The following HAUS7 variants were observed in gnomAD, a reference collection of about 807,000 sequenced individuals.
The protein encoded by HAUS7 is HAUS augmin-like complex subunit 7.
Under a neutral mutation model 28.4 loss-of-function variants are expected in HAUS7, and 3 were observed. The observed-to-expected ratio is 0.11, with a 90% CI of 0.05 to 0.27. The LOEUF is 0.27. HAUS7 is among the 10% of genes least tolerant of loss of function. HAUS7 has a pLI of 1.00. For missense variants in HAUS7, 284 were observed against 297.3 expected, an observed-to-expected ratio of 0.96 and a Z score of 0.33; for synonymous variants, 165 against 132.1, an observed-to-expected ratio of 1.25 and a Z score of -1.71.
chrX:153,475,799 GGCACGTAGTAGGT>G (rs1304105354), intron 1 of HAUS7, among the ~76,000 whole-genome samples: 1 of 94,372 alleles, frequency 1.1e-5, no homozygotes, highest in African/African-American at 3.9e-5. Context: ...GAAAAGGACA[GGCACGTAGTAGGT>G]GCTCCTGCAG....
At chrX:153,454,301 C>T (rs887087090) in intron 9 of HAUS7, 93 bp downstream of exon 9, 2 of 534,168 alleles carry the variant, frequency 3.7e-6, no homozygotes, top group Non-Finnish European at 3.2e-6. Flanking sequence ...AGGGGCCGGT[C>T]CCCAAATGCT....
chrX:153,474,132 C>G (rs1463996022), upstream of HAUS7, among the ~76,000 whole-genome samples: 1 of 112,623 alleles, frequency 8.9e-6, no homozygotes, highest in Non-Finnish European at 1.9e-5. Context: ...AACCTGGGAG[C>G]TGCCTGAAGA....
chrX:153,475,827 CAGG>C (rs2089559238), intron 1 of HAUS7, among the ~76,000 whole-genome samples: 1 of 1,018 alleles, frequency 9.8e-4, no homozygotes, highest in Non-Finnish European at 0.014. Flanking sequence ...CTGCAGAGAG[CAGG>C]AGAGCAGGAG....
At chrX:153,451,298 C>T (rs1474450385) in intron 9 of HAUS7, among the ~76,000 whole-genome samples, 4 of 112,500 alleles carry the variant, frequency 3.6e-5, no homozygotes, top group East Asian at 2.8e-4. Context: ...CACACTGTTG[C>T]GAATACCAAT....
At chrX:153,456,030 C>A (rs1033035073) in intron 7 of HAUS7, among the ~76,000 whole-genome samples, 2 of 112,550 alleles carry the variant, frequency 1.8e-5, no homozygotes, top group Admixed American at 1.9e-4. Context: ...GGACCACGTG[C>A]GGCAAGGCAC....
intron 1 of HAUS7, chrX:153,481,577 C>T (rs1252681942): frequency 1.3e-6 from 1 of 754,904 alleles, no homozygotes; most frequent in Non-Finnish European, 1.6e-6. Context: ...GCAGTCATCG[C>T]CTGTGGCAAT....
chrX:153,471,267 G>T (rs1185188411), upstream of HAUS7: 3 of 225,243 alleles, frequency 1.3e-5, no homozygotes, highest in Non-Finnish European at 2.5e-5. Flanking sequence ...TACCCACTGG[G>T]TTGCTAATGA....
chrX:153,486,796 G>T (rs1444695328), intron 1 of HAUS7: 4 of 980,978 alleles, frequency 4.1e-6, no homozygotes, highest in Non-Finnish European at 5.3e-6. Flanking sequence ...GCGGCGGGGG[G>T]AGGAGGGCTC....
Position 153,447,775 on chromosome X carries a change from C to T in HAUS7, c.*103G>A, listed in dbSNP as rs868918456. The T allele has an allele frequency of 7.2e-6, 5 of 696,376 alleles. No homozygotes were observed. Among genetic ancestry groups the T allele is most frequent in the African/African-American group, 6.2e-5 (3 of 48,117 alleles). 57.4% of individuals were successfully genotyped at this position (696,376 alleles called of 1,213,427 possible). A position where few individuals can be genotyped will look rare whatever the true frequency, so the allele number is the denominator to read the frequency against. ...AGAGCACAACGTGGGGCTGCAACGG[C>T]TTCTGCTGCCACAATCATCCATCCT... On this transcript the variant is annotated 3_prime_UTR_variant, in exon 10 of 10. Coordinates refer to ENST00000370211, the MANE Select transcript of HAUS7 (RefSeq NM_001385482.1).
intron 2 of HAUS7, 69 bp from the exon 3 acceptor site, chrX:153,465,124 G>T (rs1053331300): frequency 4.2e-6 from 3 of 715,718 alleles, no homozygotes; most frequent in Non-Finnish European, 6.6e-6. Flanking sequence ...CTCTATACGC[G>T]CTGGAAGAAG....
At position 153,448,024 on chromosome X, in the gene HAUS7, C is replaced by T. The variant is rs1015838800; in HGVS notation, c.1046-115G>A. ...TCTAGAACTAGAAATACCATTTGAC[C>T]CAGCCATCCCATTACTGGGTATATA... On this transcript the variant is annotated intron_variant, in intron 9 of 9. Transcript: ENST00000370211. 8.3e-5 allele frequency: 47 copies of T among 565,949 alleles called. No individual in the cohort carries two copies. In the African/African-American group the frequency reaches 9.0e-4, roughly 11 times the overall value. The allele number at this position is 565,949 out of a possible 1,213,427, so 46.6% of individuals were successfully genotyped here. A position where few individuals can be genotyped will look rare whatever the true frequency, so the allele number is the denominator to read the frequency against.
intron 1 of HAUS7, among the ~76,000 whole-genome samples, chrX:153,488,228 A>G: frequency 8.9e-6 from 1 of 112,446 alleles, no homozygotes; most frequent in African/African-American, 3.2e-5. Context: ...CCATCACCTC[A>G]GCACCCCCAT....
At chrX:153,466,279 G>A (rs1260969247) in intron 2 of HAUS7, among the ~76,000 whole-genome samples, 1 of 112,861 alleles carries the variant, frequency 8.9e-6, no homozygotes, top group East Asian at 2.8e-4. Context: ...ACCCAGCACT[G>A]TGCAAGGGCG....
chrX:153,485,832 G>C (rs1323515204), intron 1 of HAUS7: 1 of 899,558 alleles, frequency 1.1e-6, no homozygotes, highest in Non-Finnish European at 1.4e-6. Context: ...TTCCTGCCGC[G>C]GGGCCTGAGG....
chrX:153,454,478 T>C lies in HAUS7; in HGVS notation c.961A>G (p.Thr321Ala). The change falls in exon 9 of 10, where the codon ACC becomes GCC. Residue 321 changes from threonine (T) to alanine (A), a missense_variant. By Grantham distance (58) the Thr-to-Ala change is moderately conservative. Transcript: ENST00000370211. Reference sequence around the variant, plus strand: ...ACGGTCTCCACGGCCTTCGCAGAGGTGTCAGCAACTGCCATGACCACTTGC... The same window carrying C: ...ACGGTCTCCACGGCCTTCGCAGAGGCGTCAGCAACTGCCATGACCACTTGC... The part of the protein sequence containing the change: ...LLQVVMAVAD[T>A]SAKAVETVKK... The C allele has an allele frequency of 2.0e-6, 2 of 986,279 alleles. No individual in the cohort carries two copies. Among genetic ancestry groups the C allele is most frequent in the African/African-American group, 4.6e-5 (2 of 43,099 alleles). The allele number at this position is 986,279 out of a possible 1,213,427, so 81.3% of individuals were successfully genotyped here.
At chrX:153,474,688 T>C (rs781871302), upstream of HAUS7, among the ~76,000 whole-genome samples, 2,204 of 84,312 alleles carry the variant, frequency 0.026, 47 homozygotes, top group African/African-American at 0.085. Context: ...CTGTTTGCAG[T>C]GGACGCAACG....
At chrX:153,487,369 G>A (rs2089645757) in intron 1 of HAUS7, among the ~76,000 whole-genome samples, 1 of 112,482 alleles carries the variant, frequency 8.9e-6, no homozygotes, top group Admixed American at 9.3e-5. Flanking sequence ...CAGGGCACCT[G>A]CCATTGGTCC....
chrX:153,454,998 G>A (rs1306703886), intron 8 of HAUS7: 2 of 1,021,591 alleles, frequency 2.0e-6, no homozygotes, highest in Non-Finnish European at 2.6e-6. Flanking sequence ...AGTTGCGCAC[G>A]TGGGAACTGT....
intron 1 of HAUS7, among the ~76,000 whole-genome samples, chrX:153,493,456 C>G (rs1296460412): frequency 8.9e-6 from 1 of 111,863 alleles, no homozygotes; most frequent in Non-Finnish European, 1.9e-5. Context: ...TGCCAAGAGT[C>G]GGACGCTGAG....
Sources: allele counts gnomAD v4.1 joint callset (sites outside exome capture counted in the v4.1 genomes callset), GRCh38; gene constraint gnomAD v4.1.1; transcripts MANE v1.5; gene names NCBI Gene and HGNC (gene_info 2026-07-23, HGNC 2026-07-21).